Variants in TRAPPC10 observed in about 807,000 individuals in gnomAD.
TRAPPC10 encodes the protein TRAPP 130 kDa subunit.
In TRAPPC10, 23 loss-of-function variants were observed where a neutral mutation model predicts 125.5. That is an observed-to-expected ratio of 0.18 (90% confidence interval 0.13 to 0.26). The LOEUF (loss-of-function observed/expected upper bound fraction) is 0.26, where lower values mean the gene tolerates loss of function less well. Among genes scored for constraint, TRAPPC10 ranks in the 10% least tolerant of loss-of-function variants. The pLI, the probability that TRAPPC10 is intolerant of heterozygous loss-of-function variation, is 1.00. For missense variants in TRAPPC10, 1,123 were observed against 1,308.4 expected, an observed-to-expected ratio of 0.86 and a Z score of 2.19; for synonymous variants, 509 against 518.0, an observed-to-expected ratio of 0.98 and a Z score of 0.24.
At chr21:44,093,464 A>G (rs908829483) in intron 19 of TRAPPC10, among the ~76,000 whole-genome samples, 2 of 143,680 alleles carry the variant, frequency 1.4e-5, no homozygotes, top group African/African-American at 2.6e-5. Context: ...TAAAAAAGGG[A>G]AAAAAAAAAT....
chr21:44,053,158 G>A (rs909496102), intron 4 of TRAPPC10, among the ~76,000 whole-genome samples: 2 of 152,110 alleles, frequency 1.3e-5, no homozygotes, highest in Non-Finnish European at 2.9e-5. Flanking sequence ...TATAGCCATG[G>A]TCACCATGCT....
chr21:44,036,760 T>C (rs556132789), intron 2 of TRAPPC10, among the ~76,000 whole-genome samples: 1 of 152,254 alleles, frequency 6.6e-6, no homozygotes, highest in Non-Finnish European at 1.5e-5. Context: ...GGTGTCACTT[T>C]TTAAAAAAAT....
intron 1 of TRAPPC10, among the ~76,000 whole-genome samples, chr21:44,031,441 C>T (rs1325186951): frequency 6.6e-6 from 1 of 152,194 alleles, no homozygotes; most frequent in African/African-American, 2.4e-5. Context: ...GAGCGTGCAG[C>T]GTAAAGTCGG....
At chr21:44,093,859 G>C (rs1402359521) in intron 19 of TRAPPC10, among the ~76,000 whole-genome samples, 2 of 152,218 alleles carry the variant, frequency 1.3e-5, no homozygotes, top group East Asian at 3.8e-4. Flanking sequence ...ACAATCTTCT[G>C]CTGGGACAAG....
intron 1 of TRAPPC10, among the ~76,000 whole-genome samples, 197 bp from the exon 2 acceptor site, chr21:44,031,894 G>A (rs1040305347): frequency 7.2e-5 from 11 of 152,292 alleles, no homozygotes; most frequent in African/African-American, 2.6e-4. Context: ...TGTCACGAGG[G>A]TTCAGCTTCA....
chr21:44,088,627 A>C (rs1474664954), intron 17 of TRAPPC10: 1 of 155,644 alleles, frequency 6.4e-6, no homozygotes, highest in African/African-American at 2.4e-5. Flanking sequence ...GAAGAACCTG[A>C]GGAAGTGTCT....
At chr21:44,066,237 C>T (rs1029575444) in intron 7 of TRAPPC10, among the ~76,000 whole-genome samples, 3 of 152,162 alleles carry the variant, frequency 2.0e-5, no homozygotes, top group African/African-American at 7.2e-5. Context: ...TAGGAGGCAA[C>T]GAAGTGGCCA....
chr21:44,044,907 C>A (rs2034672993), intron 3 of TRAPPC10, among the ~76,000 whole-genome samples: 1 of 152,108 alleles, frequency 6.6e-6, no homozygotes, highest in African/African-American at 2.4e-5. Context: ...CGCAGGTGAT[C>A]TGCCCACCTG....
chr21:44,038,868 C>T (rs968838853), intron 3 of TRAPPC10, among the ~76,000 whole-genome samples: 3 of 152,162 alleles, frequency 2.0e-5, no homozygotes, highest in South Asian at 2.1e-4. Flanking sequence ...TCCTTTCCCA[C>T]GGGCTCCACA....
In TRAPPC10 at chr21:44,052,467, A is replaced by G; in HGVS notation, c.473A>G (p.Gln158Arg). The change falls in exon 4 of 23, where the codon CAG becomes CGG. Residue 158 changes from glutamine (Q) to arginine (R), a missense_variant. By Grantham distance (43) the Gln-to-Arg change is conservative. Transcript: ENST00000291574. Reference sequence around the variant, plus strand: ...ATAAGAAATGATTTTTGTAATAAACAGAGTGACAGGTAAGTGTATCTTTAA... The same window carrying G: ...ATAAGAAATGATTTTTGTAATAAACGGAGTGACAGGTAAGTGTATCTTTAA... ...DKIRNDFCNK[Q>R]SDRCVVLSDP... The G allele has an allele frequency of 2.5e-6, 4 of 1,603,412 alleles. No homozygotes were observed. Among genetic ancestry groups the G allele is most frequent in the Non-Finnish European group, 2.6e-6 (3 of 1,176,450 alleles).
At chr21:44,033,257 C>T (rs558657533) in intron 2 of TRAPPC10, among the ~76,000 whole-genome samples, 1 of 152,248 alleles carries the variant, frequency 6.6e-6, no homozygotes, top group Admixed American at 6.5e-5. Flanking sequence ...TCCTTTCTGA[C>T]CACCAGTTTG....
intron 2 of TRAPPC10, among the ~76,000 whole-genome samples, chr21:44,035,953 C>T (rs971356451): frequency 5.3e-5 from 8 of 151,962 alleles, no homozygotes; most frequent in African/African-American, 1.9e-4. Flanking sequence ...CTTAGAGACT[C>T]GGGAGATCAT....
intron 7 of TRAPPC10, among the ~76,000 whole-genome samples, chr21:44,074,123 C>T (rs1226530323): frequency 6.6e-6 from 1 of 151,844 alleles, no homozygotes; most frequent in African/African-American, 2.4e-5. Flanking sequence ...CACACTGCTT[C>T]TCTCTTCCCA....
intron 7 of TRAPPC10, among the ~76,000 whole-genome samples, chr21:44,065,973 T>A (rs2036424128): frequency 6.6e-6 from 1 of 152,232 alleles, no homozygotes; most frequent in Non-Finnish European, 1.5e-5. Context: ...GTGCTGGGAT[T>A]ACAGGTCTGA....
chr21:44,079,185 G>T (rs2037497900), intron 11 of TRAPPC10, among the ~76,000 whole-genome samples: 1 of 152,148 alleles, frequency 6.6e-6, no homozygotes. Flanking sequence ...TGTACTTGTG[G>T]ACAAGCCCTT....
At chr21:44,093,872 C>T (rs2038749689) in intron 19 of TRAPPC10, among the ~76,000 whole-genome samples, 191 bp from the exon 20 acceptor site, 1 of 152,162 alleles carries the variant, frequency 6.6e-6, no homozygotes, top group African/African-American at 2.4e-5. Flanking sequence ...GGGACAAGGC[C>T]AGGCAAAGGG....
intron 4 of TRAPPC10, among the ~76,000 whole-genome samples, chr21:44,054,160 T>C (rs1255062382): frequency 6.6e-6 from 1 of 152,230 alleles, no homozygotes; most frequent in African/African-American, 2.4e-5. Context: ...AGCAAGCTCC[T>C]ACTGTGGATA....
chr21:44,025,690 A>G (rs1372001709), intron 1 of TRAPPC10, among the ~76,000 whole-genome samples: 1 of 152,204 alleles, frequency 6.6e-6, no homozygotes, highest in Non-Finnish European at 1.5e-5. Flanking sequence ...TACGTGTAGT[A>G]GTTCCTTTTC....
Position 44,063,930 on chromosome 21 carries a change from C to A in TRAPPC10, c.1038+145C>A. On this transcript the variant is annotated intron_variant, in intron 7 of 22. Transcript: ENST00000291574. This position sits in a 1 kb window ranked among gnomAD's most constrained non-coding sequence, Gnocchi z 4.4. ...CCTTTAATTTTCAGTATATTGTTTG[C>A]TTAGTTACTTTTTACGTTGATAAAT... is the stretch of plus-strand genomic sequence containing the variant. 1 of 1,199,386 alleles carries A rather than the reference C, an allele frequency of 8.3e-7. No homozygotes were observed. Among genetic ancestry groups the A allele is most frequent in the Non-Finnish European group, 1.1e-6 (1 of 871,050 alleles). The allele number at this position is 1,199,386 out of a possible 1,614,324, so 74.3% of individuals were successfully genotyped here. A position where few individuals can be genotyped will look rare whatever the true frequency, so the allele number is the denominator to read the frequency against.
Sources: allele counts gnomAD v4.1 joint callset (sites outside exome capture counted in the v4.1 genomes callset), GRCh38; gene constraint gnomAD v4.1.1; non-coding constraint Gnocchi (gnomAD v3.1); transcripts MANE v1.5; gene names NCBI Gene and HGNC (gene_info 2026-07-23, HGNC 2026-07-21).